MINDY3: variants seen among roughly 807,000 people sequenced by gnomAD.
MINDY3 encodes the protein MINDY lysine 48 deubiquitinase 3, also known as ubiquitin carboxyl-terminal hydrolase MINDY-3.
In MINDY3, 38 loss-of-function variants were observed where a neutral mutation model predicts 69.2. The ratio of observed to expected loss-of-function variants is 0.55; its 90% CI spans 0.42 to 0.72. The LOEUF (loss-of-function observed/expected upper bound fraction) is 0.72. Ranked by LOEUF, MINDY3 falls within the 30% of genes least tolerant of loss-of-function variation. The pLI, the probability that MINDY3 is intolerant of heterozygous loss-of-function variation, is 0.00. For missense variants in MINDY3, 522 were observed against 519.0 expected (o/e 1.01, Z -0.06); for synonymous variants, 192 against 180.1 (o/e 1.07, Z -0.53).
chr10:15,847,173 G>A (rs1318540155), intron 2 of MINDY3, among the ~76,000 whole-genome samples: 2 of 152,060 alleles, frequency 1.3e-5, no homozygotes, highest in African/African-American at 4.8e-5. Flanking sequence ...GTCATTCACA[G>A]ACATCATCAG....
At chr10:15,786,854 A>G (rs1238446846) in intron 12 of MINDY3, among the ~76,000 whole-genome samples, 1 of 152,150 alleles carries the variant, frequency 6.6e-6, no homozygotes, top group Non-Finnish European at 1.5e-5. Context: ...ATCTGTTACT[A>G]TTTAAAATTT....
At chr10:15,852,041 G>T (rs930900210) in intron 1 of MINDY3, among the ~76,000 whole-genome samples, 2 of 152,028 alleles carry the variant, frequency 1.3e-5, no homozygotes, top group Non-Finnish European at 2.9e-5. Context: ...TATTTTTCAG[G>T]TCTCAGTTTA....
intron 10 of MINDY3, among the ~76,000 whole-genome samples, chr10:15,798,882 C>T (rs1316995467): frequency 6.6e-6 from 1 of 152,050 alleles, no homozygotes; most frequent in Non-Finnish European, 1.5e-5. Flanking sequence ...GCCTGTGGTT[C>T]TGAACAGGCT....
chr10:15,832,511 A>C (rs1380956300), intron 8 of MINDY3, among the ~76,000 whole-genome samples: 1 of 152,188 alleles, frequency 6.6e-6, no homozygotes, highest in African/African-American at 2.4e-5. Context: ...GTTGAAGAAT[A>C]GGATGATCTC....
intron 10 of MINDY3, among the ~76,000 whole-genome samples, chr10:15,800,980 G>C (rs1007331657): frequency 6.6e-6 from 1 of 152,164 alleles, no homozygotes; most frequent in Non-Finnish European, 1.5e-5. Flanking sequence ...TAAAGGTGGA[G>C]AACTTAATGC....
chr10:15,837,850 C>T (rs1034293417), intron 5 of MINDY3: 10 of 959,722 alleles, frequency 1.0e-5, no homozygotes, highest in South Asian at 4.8e-5. Flanking sequence ...ACAAAAATAT[C>T]GGTATTCTTA....
chr10:15,796,627 T>C (rs1384722882), intron 10 of MINDY3, among the ~76,000 whole-genome samples: 1 of 152,022 alleles, frequency 6.6e-6, no homozygotes, highest in Non-Finnish European at 1.5e-5. Context: ...CAAATAATGA[T>C]ACAATGAGAT....
At chr10:15,823,254 G>C (rs894101839) in intron 8 of MINDY3, among the ~76,000 whole-genome samples, 2 of 152,128 alleles carry the variant, frequency 1.3e-5, no homozygotes, top group African/African-American at 2.4e-5. Context: ...GTAGAGCAAT[G>C]GTTCTTCAAT....
chr10:15,846,592 A>G (rs1161691359), intron 2 of MINDY3, among the ~76,000 whole-genome samples: 2 of 152,178 alleles, frequency 1.3e-5, no homozygotes, highest in Non-Finnish European at 2.9e-5. Context: ...TCTATAAAAG[A>G]TATTTTGGAA....
At chr10:15,795,486 G>T (rs1223526501) in intron 11 of MINDY3, among the ~76,000 whole-genome samples, 1 of 152,052 alleles carries the variant, frequency 6.6e-6, no homozygotes, top group Non-Finnish European at 1.5e-5. Flanking sequence ...TCTGAAGTAT[G>T]ACAACTTAGT....
At chr10:15,809,683 T>C (rs891502999) in intron 10 of MINDY3, among the ~76,000 whole-genome samples, 2 of 152,160 alleles carry the variant, frequency 1.3e-5, no homozygotes, top group African/African-American at 2.4e-5. Flanking sequence ...TTGATGACTC[T>C]GCAGTTCCTA....
intron 8 of MINDY3, among the ~76,000 whole-genome samples, chr10:15,832,021 C>T (rs1464883322): frequency 6.6e-6 from 1 of 152,048 alleles, no homozygotes; most frequent in African/African-American, 2.4e-5. Context: ...GTTAGTCCTG[C>T]CAATGAAAGT....
intron 10 of MINDY3, among the ~76,000 whole-genome samples, chr10:15,812,161 G>C (rs995214614): frequency 3.9e-5 from 6 of 151,990 alleles, no homozygotes; most frequent in African/African-American, 1.4e-4. Context: ...GGCTGGTCTC[G>C]AACTCCTGAC....
intron 10 of MINDY3, among the ~76,000 whole-genome samples, chr10:15,804,374 G>T (rs1246937831): frequency 8.5e-5 from 13 of 152,072 alleles, no homozygotes; most frequent in Non-Finnish European, 5.9e-5. Flanking sequence ...TTAAAATGTT[G>T]TAACATTAGC....
chr10:15,855,341 A>G (rs935904494), intron 1 of MINDY3, among the ~76,000 whole-genome samples: 3 of 152,130 alleles, frequency 2.0e-5, no homozygotes, highest in African/African-American at 7.2e-5. Context: ...TTCTCTTTTC[A>G]TAATAAGGTT....
chr10:15,853,500 C>T (rs1834454776), intron 1 of MINDY3, among the ~76,000 whole-genome samples: 1 of 151,684 alleles, frequency 6.6e-6, no homozygotes, highest in South Asian at 2.1e-4. Flanking sequence ...AAAAACACCC[C>T]CATACCCTCA....
At chr10:15,855,620 C>T (rs990820460) in intron 1 of MINDY3, among the ~76,000 whole-genome samples, 57 of 152,076 alleles carry the variant, frequency 3.7e-4, no homozygotes, top group African/African-American at 1.4e-3. Context: ...TGAACCTCAT[C>T]GCAATTTTTC....
chr10:15,798,068 A>G (rs1449783764), intron 10 of MINDY3, among the ~76,000 whole-genome samples: 2 of 152,146 alleles, frequency 1.3e-5, no homozygotes, highest in Admixed American at 6.5e-5. Flanking sequence ...TATTCTTTCT[A>G]TTCGCCATCT....
intron 1 of MINDY3, among the ~76,000 whole-genome samples, chr10:15,852,946 C>A (rs956330415): frequency 9.9e-5 from 15 of 152,044 alleles, no homozygotes; most frequent in African/African-American, 3.6e-4. Context: ...ATAGCATTTA[C>A]AGTGTATTAG....
Sources: gnomAD v4.1 joint callset for allele counts (sites outside exome capture counted in the v4.1 genomes callset) on GRCh38, gnomAD v4.1.1 for gene constraint, MANE v1.5 for transcripts, NCBI Gene and HGNC (gene_info 2026-07-23, HGNC 2026-07-21) for gene names.